TSHZ2: variants seen among roughly 807,000 people sequenced by gnomAD.
TSHZ2 encodes the protein teashirt homolog 2.
Under a neutral mutation model 74.4 loss-of-function variants are expected in TSHZ2, and 21 were observed. The ratio of observed to expected loss-of-function variants is 0.28; its 90% confidence interval spans 0.20 to 0.41. The LOEUF is 0.41. Ranked by LOEUF, TSHZ2 falls within the 10% of genes least tolerant of loss-of-function variation. TSHZ2 has a pLI of 1.00. For synonymous variants in TSHZ2, 540 were observed against 515.3 expected, an observed-to-expected ratio of 1.05 and a Z score of -0.65; for missense variants, 1,244 against 1,293.5, an observed-to-expected ratio of 0.96 and a Z score of 0.59.
At chr20:53,228,205 C>T (rs1989733480) in intron 1 of TSHZ2, among the ~76,000 whole-genome samples, 1 of 151,920 alleles carries the variant, frequency 6.6e-6, no homozygotes, top group South Asian at 2.1e-4. Flanking sequence ...AAGTTAGCCT[C>T]AGGACTCTGT....
chr20:53,329,904 C>T (rs1472799796), intron 2 of TSHZ2, among the ~76,000 whole-genome samples: 1 of 152,280 alleles, frequency 6.6e-6, no homozygotes, highest in Admixed American at 6.5e-5. Context: ...TTAAGGTTTA[C>T]TACAAAAATT....
intron 1 of TSHZ2, among the ~76,000 whole-genome samples, chr20:53,158,105 G>T (rs140128936): frequency 1.8e-3 from 271 of 152,312 alleles, no homozygotes; most frequent in African/African-American, 5.9e-3. Context: ...AAGCTGTGGG[G>T]CCGTGGAGGG....
intron 1 of TSHZ2, among the ~76,000 whole-genome samples, chr20:53,135,638 C>T (rs1987228083): frequency 6.6e-6 from 1 of 152,064 alleles, no homozygotes; most frequent in Non-Finnish European, 1.5e-5. Flanking sequence ...CTCTATCACC[C>T]AGGCTGGAGT....
chr20:53,124,418 G>T (rs1986892428), intron 1 of TSHZ2, among the ~76,000 whole-genome samples: 1 of 152,218 alleles, frequency 6.6e-6, no homozygotes, highest in Non-Finnish European at 1.5e-5. Context: ...CTAGGTCACT[G>T]ATCAGTGACT....
rs535094992 is a variant in TSHZ2, at chr20:53,108,242, A to G, written c.40+134909A>G. ...AGAGGCTCTTTGGCATTACACATACACAGAGCCAGAGAGAGTCTGAGCTTG... is the reference window on the plus strand; with the variant it reads ...AGAGGCTCTTTGGCATTACACATACGCAGAGCCAGAGAGAGTCTGAGCTTG... On this transcript the variant is annotated intron_variant, in intron 1 of 2. Transcript: ENST00000371497. Among the ~76,000 whole-genome samples, 9 of 152,332 alleles carry G rather than the reference A, an allele frequency of 5.9e-5. No homozygotes were observed. The East Asian group carries it at 1.5e-3, about 26-fold the overall frequency.
chr20:53,061,162 T>G (rs1045149263), intron 1 of TSHZ2, among the ~76,000 whole-genome samples: 5 of 152,230 alleles, frequency 3.3e-5, no homozygotes, highest in African/African-American at 1.2e-4. Context: ...TGAACGTTTT[T>G]TGAAGCTTCA....
At position 53,261,343 on chromosome 20, in the gene TSHZ2, C is replaced by T. The variant is rs74651999; in HGVS notation, c.*8+4772C>T. The stretch of plus-strand genomic sequence containing the variant: ...CATCCTTGTTCTCTTTCTTTTAATG[C>T]TCTTGTTCAATCAGGCAATTATACA... On this transcript the variant is annotated intron_variant, in intron 2 of 2. Transcript: ENST00000371497. 7.3e-3 allele frequency among the ~76,000 whole-genome samples: 1,118 copies of T among 152,332 alleles called. 18 individuals carry two copies. The highest frequency in any genetic ancestry group is 0.026 in the African/African-American group (1,069 of 41,556).
At chr20:53,234,235 C>G (rs375906890) in intron 1 of TSHZ2, among the ~76,000 whole-genome samples, 10 of 152,290 alleles carry the variant, frequency 6.6e-5, no homozygotes, top group Admixed American at 6.5e-5. Context: ...AAGGTAGGTG[C>G]AAACCCACAG....
chr20:53,343,424 C>G (rs1433230802), intron 2 of TSHZ2, among the ~76,000 whole-genome samples: 1 of 152,188 alleles, frequency 6.6e-6, no homozygotes, highest in Non-Finnish European at 1.5e-5. Flanking sequence ...AGGTCACTTC[C>G]TGACTCTCTG....
intron 2 of TSHZ2, among the ~76,000 whole-genome samples, chr20:53,434,017 T>C: frequency 6.6e-6 from 1 of 152,122 alleles, no homozygotes. Flanking sequence ...TACAGGCACA[T>C]GCCACCATGC....
intron 1 of TSHZ2, among the ~76,000 whole-genome samples, chr20:52,984,991 T>C (rs571493480): frequency 7.2e-5 from 11 of 152,360 alleles, no homozygotes; most frequent in African/African-American, 2.6e-4. Flanking sequence ...TGTCAGTCTA[T>C]CGTTCTCTGA....
intron 1 of TSHZ2, among the ~76,000 whole-genome samples, chr20:53,127,017 GT>G (rs1568772018): frequency 2.2e-3 from 332 of 151,158 alleles, no homozygotes; most frequent in African/African-American, 7.5e-3. Context: ...AAGGAAAAAG[GT>G]AAAAAAAAAG....
intron 1 of TSHZ2, among the ~76,000 whole-genome samples, chr20:53,064,322 G>C (rs576664878): frequency 1.4e-4 from 22 of 152,262 alleles, no homozygotes; most frequent in Non-Finnish European, 2.6e-4. Context: ...TTCTAAGTAA[G>C]CTCCACATTT....
intron 1 of TSHZ2, among the ~76,000 whole-genome samples, chr20:53,045,818 A>G (rs1276372345): frequency 2.0e-5 from 3 of 152,182 alleles, no homozygotes; most frequent in Non-Finnish European, 2.9e-5. Context: ...AGTGCCTAGG[A>G]CAGAGACAAC....
rs189625417 is a variant in TSHZ2, at chr20:53,270,667, C to G, written c.*8+14096C>G. ...AAGGAGAGAACAGATGAATGCCTCC[C>G]CCCCAAAAAAAGCTTAAATATCCCC... On this transcript the variant is annotated intron_variant, in intron 2 of 2. Transcript: ENST00000371497. Among the ~76,000 whole-genome samples the G allele has an allele frequency of 1.8e-4, 27 of 152,174 alleles. 1 individual carries two copies. The East Asian group carries it at 4.8e-3, about 27-fold the overall frequency.
chr20:53,062,479 AAGTGTTTACAAGTGTT>A (rs1239379777), intron 1 of TSHZ2, among the ~76,000 whole-genome samples: 9 of 152,232 alleles, frequency 5.9e-5, no homozygotes, highest in East Asian at 5.8e-4. Flanking sequence ...TACCACATTT[AAGTGTTTACAAGTGTT>A]AGTGTTTACA....
At chr20:53,176,136 C>T (rs188208362) in intron 1 of TSHZ2, among the ~76,000 whole-genome samples, 1 of 152,206 alleles carries the variant, frequency 6.6e-6, no homozygotes. Context: ...GGAGTTACTG[C>T]TCCTTAGTTC....
chr20:53,059,409 T>G (rs1005423359), intron 1 of TSHZ2, among the ~76,000 whole-genome samples: 7 of 152,106 alleles, frequency 4.6e-5, no homozygotes, highest in Non-Finnish European at 4.4e-5. Flanking sequence ...AATGAAAAAC[T>G]TAAACAAGGT....
chr20:53,007,950 A>G (rs532052580), intron 1 of TSHZ2, among the ~76,000 whole-genome samples: 69 of 152,294 alleles, frequency 4.5e-4, no homozygotes, highest in African/African-American at 1.6e-3. Flanking sequence ...ATATCATTAT[A>G]AATTATGTGT....
Sources: allele counts gnomAD v4.1 joint callset (sites outside exome capture counted in the v4.1 genomes callset), GRCh38; gene constraint gnomAD v4.1.1; transcripts MANE v1.5; gene names NCBI Gene and HGNC (gene_info 2026-07-23, HGNC 2026-07-21).